Variants in HPS3 observed in about 807,000 individuals in gnomAD.
HPS3 encodes BLOC-2 complex member HPS3.
HPS3 carries 79 observed loss-of-function variants against 110.9 expected under a neutral mutation model. That is an observed-to-expected ratio of 0.71 (90% confidence interval 0.59 to 0.86). The LOEUF (loss-of-function observed/expected upper bound fraction) is 0.86, where lower values mean the gene tolerates loss of function less well. Ranked by LOEUF, HPS3 falls within the 40% of genes least tolerant of loss-of-function variation. The probability of loss-of-function intolerance (pLI) is 0.00; values close to 1 mark genes in which losing one functional copy is unlikely to be tolerated. For synonymous variants in HPS3, 428 were observed against 451.0 expected, an observed-to-expected ratio of 0.95 and a Z score of 0.65; for missense variants, 1,197 against 1,206.2, an observed-to-expected ratio of 0.99 and a Z score of 0.11.
Position 149,150,952 on chromosome 3 carries a change from C to G in HPS3, c.1245+272C>G, listed in dbSNP as rs550629840. Among the ~76,000 whole-genome samples, 554 of 152,168 alleles carry G rather than the reference C, an allele frequency of 3.6e-3. 3 individuals carry two copies. Among genetic ancestry groups the G allele is most frequent in the Middle Eastern group, 0.014 (4 of 294 alleles). ...TGGTAAAGAATATAAAAAGTGTGAA[C>G]TGAGAGCAGTTCACAACTACTGTAT... is the stretch of plus-strand genomic sequence containing the variant. On this transcript the variant is annotated intron_variant, in intron 6 of 16. Coordinates refer to ENST00000296051, the MANE Select transcript of HPS3 (RefSeq NM_032383.5).
At chr3:149,162,066 G>T in intron 11 of HPS3, 82 bp from the exon 12 acceptor site, 2 of 1,089,262 alleles carry the variant, frequency 1.8e-6, no homozygotes, top group Admixed American at 1.8e-5. Context: ...CATTGTGAAT[G>T]CACTAGCATG....
intron 16 of HPS3, among the ~76,000 whole-genome samples, chr3:149,169,716 A>G (rs1724790283): frequency 6.6e-6 from 1 of 152,238 alleles, no homozygotes; most frequent in Non-Finnish European, 1.5e-5. Context: ...ATGCAGAACC[A>G]TTAAAATGGG....
intron 10 of HPS3, among the ~76,000 whole-genome samples, chr3:149,159,680 A>G (rs1723669277): frequency 6.6e-6 from 1 of 152,228 alleles, no homozygotes; most frequent in African/African-American, 2.4e-5. Context: ...ATTTTCTCAT[A>G]CAAATTACTT....
At chr3:149,139,000 CAT>C (rs376112883) in intron 1 of HPS3, among the ~76,000 whole-genome samples, 1 of 152,200 alleles carries the variant, frequency 6.6e-6, no homozygotes, top group African/African-American at 2.4e-5. Context: ...TTTGGCCCAA[CAT>C]ATCTCACTTT....
intron 10 of HPS3, 75 bp downstream of exon 10, chr3:149,158,921 T>A: frequency 9.7e-7 from 1 of 1,028,236 alleles, no homozygotes; most frequent in Non-Finnish European, 1.4e-6. Flanking sequence ...GTAGTACTGT[T>A]TAGAAGTCAG....
intron 10 of HPS3, among the ~76,000 whole-genome samples, 174 bp from the exon 11 acceptor site, chr3:149,159,872 C>T (rs1723679079): frequency 6.6e-6 from 1 of 152,090 alleles, no homozygotes; most frequent in African/African-American, 2.4e-5. Flanking sequence ...TATCTCAGGC[C>T]TCCCATGTAT....
At chr3:149,162,067 C>T (rs1576693465) in intron 11 of HPS3, 81 bp from the exon 12 acceptor site, 1 of 1,103,972 alleles carries the variant, frequency 9.1e-7, no homozygotes, top group South Asian at 1.3e-5. Context: ...ATTGTGAATG[C>T]ACTAGCATGT....
Position 149,155,190 on chromosome 3 carries a change from C to T in HPS3, c.1484C>T (p.Ser495Leu), listed in dbSNP as rs377021906. 2 of 1,582,210 alleles carry T rather than the reference C, an allele frequency of 1.3e-6. No individual in the cohort carries two copies. Among genetic ancestry groups the T allele is most frequent in the African/African-American group, 1.3e-5 (1 of 74,122 alleles). The change falls in exon 8 of 17, where the codon TCA (serine) becomes TTA (leucine). Residue 495 changes from serine (S) to leucine (L), a missense_variant. Coordinates refer to ENST00000296051, the MANE Select transcript of HPS3 (RefSeq NM_032383.5). ...AATTTGTATATTGTGAATACGATCT[C>T]ACCAGTGCAGCTGTACAAAGAGATG... ...GWNLYIVNTI[S>L]PVQLYKEMVD...
In HPS3 at chr3:149,158,722, C is replaced by T. The variant is rs779147729; in HGVS notation, c.1748C>T (p.Ser583Phe). Residue 583 changes from serine to phenylalanine, a missense_variant, in exon 10 of 17, where the codon TCT becomes TTT. Physicochemically the swap from Ser to Phe is radical, Grantham distance 155. Transcript: ENST00000296051. ...CCATACTATAAGATGTCTGGTTTGT[C>T]TATGGCTGAAGTTCTGGCCCGCACG... ...TLPYYKMSGL[S>F]MAEVLARTDW... is the part of the protein sequence containing the mutation. The T allele has an allele frequency of 4.3e-6, 7 of 1,613,536 alleles. No homozygotes were observed. The highest frequency in any genetic ancestry group is 5.9e-6 in the Non-Finnish European group (7 of 1,179,660).
chr3:149,129,666 C>CG lies in HPS3; in HGVS notation c.-54dup. On this transcript the variant is annotated 5_prime_UTR_variant, in exon 1 of 17. Transcript: ENST00000296051. ...AGTAGTCCTACATTCGCGGTCAGCG[C>CG]GGGGTCTCCGGGCGCCCTGCAGGGC... 7.5e-7 allele frequency: 1 copy of CG among 1,336,728 alleles called. No individual in the cohort carries two copies. The highest frequency in any genetic ancestry group is 2.6e-5 in the East Asian group (1 of 37,800). 82.8% of individuals were successfully genotyped at this position (1,336,728 alleles called of 1,614,324 possible). A position where few individuals can be genotyped will look rare whatever the true frequency, so the allele number is the denominator to read the frequency against.
At position 149,167,186 on chromosome 3, in the gene HPS3, A is replaced by C; in HGVS notation, c.2742A>C (p.Arg914Ser). 1 of 1,613,946 alleles carries C rather than the reference A, an allele frequency of 6.2e-7. No homozygotes were observed. Among genetic ancestry groups the C allele is most frequent in the Non-Finnish European group, 8.5e-7 (1 of 1,179,878 alleles). The change falls in exon 15 of 17, where the codon AGA becomes AGC. Residue 914 changes from arginine (R) to serine (S), a missense_variant. By Grantham distance (110) the Arg-to-Ser change is moderately radical. Transcript: ENST00000296051. ...AGTGCATAGACATACTGTTAGAGAG[A>C]TGCCCGGAGGCAGTCATTCCATATG... ...YEQCIDILLERCPEAVIPYAN... is the reference protein window; with the variant it reads ...YEQCIDILLESCPEAVIPYAN...
At chr3:149,158,308 T>C (rs1304408098) in intron 9 of HPS3, among the ~76,000 whole-genome samples, 1 of 152,140 alleles carries the variant, frequency 6.6e-6, no homozygotes, top group Admixed American at 6.6e-5. Context: ...TAGAATTAAC[T>C]TAAATTGTTG....
At chr3:149,141,757 G>A (rs1198562619) in intron 4 of HPS3, among the ~76,000 whole-genome samples, 1 of 151,520 alleles carries the variant, frequency 6.6e-6, no homozygotes, top group African/African-American at 2.4e-5. Flanking sequence ...GGATGGTCTC[G>A]ATCTCCTGAC....
intron 2 of HPS3, 93 bp from the exon 3 acceptor site, chr3:149,140,920 TATAA>T: frequency 8.7e-7 from 1 of 1,143,318 alleles, no homozygotes; most frequent in Non-Finnish European, 1.3e-6. Context: ...GTGTGCATAT[TATAA>T]ATAAATGAAA....
chr3:149,152,593 C>T (rs1723200735), intron 6 of HPS3, among the ~76,000 whole-genome samples: 1 of 152,200 alleles, frequency 6.6e-6, no homozygotes, highest in South Asian at 2.1e-4. Flanking sequence ...CACCTGCTGA[C>T]TCAGGCTTTG....
Position 149,163,886 on chromosome 3 carries a change from C to T in HPS3, c.2526C>T (p.His842=), listed in dbSNP as rs3732557. The change falls in exon 14 of 17, where the codon CAC becomes CAT. Residue 842 remains histidine, a synonymous_variant. Coordinates refer to ENST00000296051, the MANE Select transcript of HPS3 (RefSeq NM_032383.5). ...ATGGCTTAATTTATCCATGGGTTCA[C>T]GTCGTAATATCATCTGATTCTTTAG... ...SHYGLIYPWV[H]VVISSDSLAD... 0.19 allele frequency: 291,587 copies of T among 1,567,320 alleles called. 29,903 individuals carry two copies. The highest frequency in any genetic ancestry group is 0.26 in the East Asian group (11,586 of 44,434).
intron 5 of HPS3, among the ~76,000 whole-genome samples, chr3:149,147,877 T>C (rs952085017): frequency 6.6e-5 from 10 of 152,276 alleles, no homozygotes; most frequent in South Asian, 6.2e-4. Flanking sequence ...TCCACTCCTG[T>C]TTTTCAAATC....
rs1170000443 is a variant in HPS3 at position 149,171,698 on chromosome 3, C to CTTTT, written c.2888-381_2888-378dup. ...AACATTTTGTTACCTGAACTGGCTT[C>CTTTT]TTTTTTTTTTTTTTTTTTTGTCCTG... On this transcript the variant is annotated intron_variant, in intron 16 of 16. Transcript: ENST00000296051. Among the ~76,000 whole-genome samples, 46 of 118,254 alleles carry CTTTT rather than the reference C, an allele frequency of 3.9e-4. 1 individual carries two copies. The highest frequency in any genetic ancestry group is 8.7e-4 in the African/African-American group (27 of 31,192). 77.6% of individuals were successfully genotyped at this position (118,254 alleles called of 152,430 possible).
Position 149,172,125 on chromosome 3 carries a change from A to C in HPS3, c.2918A>C (p.Glu973Ala). ...TTGTCAATTGTTGCTGTGGAACTAG[A>C]ACTGAAGGATTTCATGAATGTTCTC... ...ETLSIVAVEL[E>A]LKDFMNVLPE... Residue 973 changes from glutamate to alanine, a missense_variant, in exon 17 of 17, where the codon GAA becomes GCA. Glu to Ala is a moderately radical substitution (Grantham distance 107, BLOSUM62 -1). Coordinates refer to ENST00000296051, the MANE Select transcript of HPS3 (RefSeq NM_032383.5). 1 of 1,613,192 alleles carries C rather than the reference A, an allele frequency of 6.2e-7. No individual in the cohort carries two copies. The highest frequency in any genetic ancestry group is 8.5e-7 in the Non-Finnish European group (1 of 1,179,250).
Sources: allele counts gnomAD v4.1 joint callset (sites outside exome capture counted in the v4.1 genomes callset), GRCh38; gene constraint gnomAD v4.1.1; transcripts MANE v1.5; gene names NCBI Gene and HGNC (gene_info 2026-07-23, HGNC 2026-07-21).